Variants in SYNE2 observed in about 807,000 individuals in gnomAD.
The protein encoded by SYNE2 is nesprin-2.
Under a neutral mutation model 856.3 loss-of-function variants are expected in SYNE2, and 431 were observed. The observed-to-expected ratio is 0.50, with a 90% CI of 0.47 to 0.55. The LOEUF (loss-of-function observed/expected upper bound fraction) is 0.55. Ranked by LOEUF, SYNE2 falls within the 20% of genes least tolerant of loss-of-function variation. The pLI, the probability that SYNE2 is intolerant of heterozygous loss-of-function variation, is 0.00. For missense variants in SYNE2, 8,129 were observed against 8,023.2 expected, an observed-to-expected ratio of 1.01 and a Z score of -0.50; for synonymous variants, 2,923 against 2,872.3, an observed-to-expected ratio of 1.02 and a Z score of -0.56.
intron 2 of SYNE2, among the ~76,000 whole-genome samples, chr14:63,938,300 T>G (rs2095857788): frequency 6.6e-6 from 1 of 151,938 alleles, no homozygotes; most frequent in South Asian, 2.1e-4. Flanking sequence ...ACAAAAAATT[T>G]AAAAAATTAG....
intron 51 of SYNE2, among the ~76,000 whole-genome samples, chr14:64,068,883 A>AAG (rs3031329): frequency 2.3e-5 from 3 of 131,798 alleles, no homozygotes; most frequent in African/African-American, 5.3e-5. Context: ...AAAAAAAAAA[A>AAG]AGAGATTGTT....
In SYNE2 at chr14:63,982,792, C is replaced by G. The variant is rs759704373; in HGVS notation, c.1999C>G (p.Leu667Val). The change falls in exon 17 of 116, where the codon CTT (leucine) becomes GTT (valine). Residue 667 changes from leucine (L) to valine (V), a missense_variant and splice_region_variant. Around this residue, in one of 3 missense-constraint regions of SYNE2, gnomAD observed 2,422 missense variants for 2,357.4 expected, o/e 1.03. Coordinates refer to ENST00000555002, the MANE Select transcript of SYNE2 (RefSeq NM_182914.3). The part of the protein sequence containing the change: ...RWRKLVSKTQ[L>V]EMNLPLMIKK... Reference sequence around the variant, plus strand: ...GAGAAAGTTGGTTTCAAAAACTCAACTTGTAAGTTCTTTTGATTGGTTGCA... The same window carrying G: ...GAGAAAGTTGGTTTCAAAAACTCAAGTTGTAAGTTCTTTTGATTGGTTGCA... 6.2e-7 allele frequency: 1 copy of G among 1,613,716 alleles called. No homozygotes were observed. The highest frequency in any genetic ancestry group is 1.7e-5 in the Admixed American group (1 of 60,012).
At chr14:63,932,336 C>T (rs537367302) in intron 2 of SYNE2, among the ~76,000 whole-genome samples, 7 of 152,230 alleles carry the variant, frequency 4.6e-5, no homozygotes, top group South Asian at 2.1e-4. Flanking sequence ...GAGCCGAGAT[C>T]GTGCCATTGC....
rs955861447 is a variant in SYNE2, at chr14:64,081,573, C to T, written c.11477C>T (p.Thr3826Ile). ...SLRTLSHHAS[T>I]VQMALEDSEQ... ...AGGACACTGAGTCACCATGCTAGCACTGTGCAGGTAAGTGTTCTTCCAGGT... is the reference window on the plus strand; with the variant it reads ...AGGACACTGAGTCACCATGCTAGCATTGTGCAGGTAAGTGTTCTTCCAGGT... Residue 3826 changes from threonine (T) to isoleucine (I), a missense_variant, in exon 57 of 116, where the codon ACT (threonine) becomes ATT (isoleucine). Around this residue, in one of 3 missense-constraint regions of SYNE2, gnomAD observed 5,410 missense variants for 5,284.8 expected, o/e 1.02. Transcript: ENST00000555002. 6.2e-6 allele frequency: 10 copies of T among 1,613,966 alleles called. No individual in the cohort carries two copies. Among genetic ancestry groups the T allele is most frequent in the East Asian group, 2.2e-5 (1 of 44,902 alleles).
At chr14:64,210,613 C>T (rs1209757100) in intron 103 of SYNE2, among the ~76,000 whole-genome samples, 2 of 152,236 alleles carry the variant, frequency 1.3e-5, no homozygotes, top group Non-Finnish European at 2.9e-5. Flanking sequence ...AATTTCAGAG[C>T]ACACAAAGGT....
chr14:63,841,675 C>T (rs1182108329), intron 1 of SYNE2, among the ~76,000 whole-genome samples: 2 of 152,100 alleles, frequency 1.3e-5, no homozygotes, highest in African/African-American at 2.4e-5. Flanking sequence ...GCTTTTGAAT[C>T]TTTGCCAAAC....
At chr14:63,983,665 T>G in intron 17 of SYNE2, 72 bp from the exon 18 acceptor site, 1 of 1,272,482 alleles carries the variant, frequency 7.9e-7, no homozygotes, top group South Asian at 1.3e-5. Context: ...TTACATCCAC[T>G]TACTGTTTGT....
At chr14:63,849,564 A>G (rs1890337424), upstream of SYNE2, among the ~76,000 whole-genome samples, 1 of 152,154 alleles carries the variant, frequency 6.6e-6, no homozygotes, top group Admixed American at 6.6e-5. Flanking sequence ...GGAACCCCAC[A>G]ATTTTTTAAA....
At chr14:63,975,476 G>A (rs915631562) in intron 11 of SYNE2, among the ~76,000 whole-genome samples, 22 of 152,154 alleles carry the variant, frequency 1.4e-4, no homozygotes, top group Middle Eastern at 6.8e-3. Flanking sequence ...GAGACTATAG[G>A]TGTGCACCAC....
chr14:63,972,973 G>A (rs2096491526), intron 11 of SYNE2, among the ~76,000 whole-genome samples: 2 of 152,206 alleles, frequency 1.3e-5, no homozygotes, highest in Non-Finnish European at 1.5e-5. Context: ...TCACAAAAAT[G>A]GCTGGGCGCA....
At chr14:64,062,977 C>A in intron 50 of SYNE2, 82 bp downstream of exon 50, 2 of 1,507,576 alleles carry the variant, frequency 1.3e-6, no homozygotes, top group South Asian at 2.3e-5. Flanking sequence ...AGAATGTGGT[C>A]CTGTTAAGAC....
rs1212981285 is a variant in SYNE2 at position 64,048,049 on chromosome 14, A to G, written c.7271A>G (p.Gln2424Arg). The G allele has an allele frequency of 1.2e-6, 2 of 1,613,860 alleles. No individual in the cohort carries two copies. Among genetic ancestry groups the G allele is most frequent in the South Asian group, 1.1e-5 (1 of 91,076 alleles). The change falls in exon 46 of 116, where the codon CAA becomes CGA. Residue 2424 changes from glutamine to arginine, a missense_variant. Transcript: ENST00000555002. ...TCAAAACAACTTTCTCTTAATGCTCAAGAAAGCATGAAAAACACTGAAGAT... is the reference window on the plus strand; with the variant it reads ...TCAAAACAACTTTCTCTTAATGCTCGAGAAAGCATGAAAAACACTGAAGAT... The part of the protein sequence containing the change: ...AMSKQLSLNA[Q>R]ESMKNTEDER...
At chr14:63,879,140 T>G (rs2094798375) in intron 1 of SYNE2, among the ~76,000 whole-genome samples, 1 of 152,202 alleles carries the variant, frequency 6.6e-6, no homozygotes, top group Admixed American at 6.5e-5. Context: ...TGGGAGAAAC[T>G]GAAGAACCAT....
At chr14:64,162,008 A>C in intron 87 of SYNE2, 64 bp from the exon 88 acceptor site, 1 of 1,580,282 alleles carries the variant, frequency 6.3e-7, no homozygotes, top group Admixed American at 1.7e-5. Flanking sequence ...GAGTGTGTGC[A>C]TTGTACTTTC....
chr14:64,053,113 A>G lies in SYNE2; in HGVS notation c.9200A>G (p.Glu3067Gly). The change falls in exon 48 of 116, where the codon GAA becomes GGA. Residue 3067 changes from glutamate (E) to glycine (G), a missense_variant. By Grantham distance (98) the Glu-to-Gly change is moderately conservative. This residue lies in a region of SYNE2 where 5,410 missense variants were observed against 5,284.8 expected (regional missense o/e 1.02). Transcript: ENST00000555002. Reference protein sequence around the residue: ...AIDLQIKKMTEVVLKAPDSSP... With the variant: ...AIDLQIKKMTGVVLKAPDSSP... ...GATTTGCAAATTAAGAAAATGACTG[A>G]AGTAGTACTAAAAGCTCCTGATAGC... is the stretch of plus-strand genomic sequence containing the variant. The G allele has an allele frequency of 1.2e-6, 2 of 1,614,078 alleles. No homozygotes were observed. The highest frequency in any genetic ancestry group is 1.7e-6 in the Non-Finnish European group (2 of 1,180,026).
intron 27 of SYNE2, 37 bp from the exon 28 acceptor site, chr14:64,000,525 C>A: frequency 1.3e-6 from 2 of 1,577,410 alleles, no homozygotes; most frequent in South Asian, 1.1e-5. Context: ...TCTATTAACC[C>A]CATTAGTTGA....
At chr14:63,818,685 T>C (rs1889099511) in intron 1 of SYNE2, among the ~76,000 whole-genome samples, 1 of 148,850 alleles carries the variant, frequency 6.7e-6, no homozygotes, top group South Asian at 2.1e-4. Context: ...TCCATTCTCA[T>C]ACATTTTTTT....
intron 84 of SYNE2, among the ~76,000 whole-genome samples, chr14:64,151,641 T>G (rs2098245348): frequency 6.6e-6 from 1 of 152,086 alleles, no homozygotes; most frequent in Non-Finnish European, 1.5e-5. Flanking sequence ...GGTCGTTATC[T>G]TGAGGCCATG....
At position 63,870,004 on chromosome 14, in the gene SYNE2, A is replaced by G. The variant is rs567961079; in HGVS notation, c.-52+16861A>G. On this transcript the variant is annotated intron_variant, in intron 1 of 115. Transcript: ENST00000555002. ...ACCTGAATTTCTGAAACATCCTTGT[A>G]ATTGGACTCCTGCCTCTCTAATACA... is the stretch of plus-strand genomic sequence containing the variant. 6.6e-5 allele frequency among the ~76,000 whole-genome samples: 10 copies of G among 152,242 alleles called. No homozygotes were observed. The South Asian group carries it at 1.9e-3, about 28-fold the overall frequency.
Sources: gnomAD v4.1 joint callset for allele counts (sites outside exome capture counted in the v4.1 genomes callset) on GRCh38, gnomAD v4.1.1 for gene constraint, gnomAD v4.1.1 regional missense constraint, MANE v1.5 for transcripts, NCBI Gene and HGNC (gene_info 2026-07-23, HGNC 2026-07-21) for gene names.